The following TP53I11 variants were observed in gnomAD, a reference collection of about 807,000 sequenced individuals.
The protein encoded by TP53I11 is tumor protein p53 inducible protein 11, also known as tumor protein p53-inducible protein 11.
Under a neutral mutation model 23.3 loss-of-function variants are expected in TP53I11, and 9 were observed. That is an observed-to-expected ratio of 0.39 (90% CI 0.23 to 0.67). The LOEUF is 0.67. Among genes scored for constraint, TP53I11 ranks in the 30% least tolerant of loss-of-function variants. The pLI, the probability that TP53I11 is intolerant of heterozygous loss-of-function variation, is 0.48. For synonymous variants in TP53I11, 100 were observed against 106.1 expected (o/e 0.94, Z 0.35); for missense variants, 170 against 255.2 (o/e 0.67, Z 2.27).
intron 6 of TP53I11, 114 bp downstream of exon 6, chr11:44,935,447 C>T (rs1860987707): frequency 8.4e-6 from 8 of 951,666 alleles, no homozygotes; most frequent in Non-Finnish European, 8.2e-6. Context: ...TATCCCCTCC[C>T]TAGCCCCCCA....
chr11:44,938,053 C>T (rs1034951358), intron 2 of TP53I11, among the ~76,000 whole-genome samples, 154 bp downstream of exon 2: 4 of 152,198 alleles, frequency 2.6e-5, no homozygotes, highest in African/African-American at 9.7e-5. Flanking sequence ...CTAATGATCT[C>T]GTTATTCCCC....
At position 44,932,407 on chromosome 11, in the gene TP53I11, T is replaced by A. The variant is rs1180636901; in HGVS notation, c.*2477A>T. The A allele has an allele frequency of 6.6e-6, 1 of 152,400 alleles. No individual in the cohort carries two copies. Among genetic ancestry groups the A allele is most frequent in the East Asian group, 1.9e-4 (1 of 5,188 alleles). 9.4% of individuals were successfully genotyped at this position (152,400 alleles called of 1,614,324 possible). On this transcript the variant is annotated 3_prime_UTR_variant, in exon 7 of 7. Coordinates refer to ENST00000525680, the MANE Select transcript of TP53I11 (RefSeq NM_006034.5). ...TACAAAAAGAAAAAGGAACAAAGAA[T>A]AAATAGTGACCGTGAAGAAAGGTGG...
rs996146007 is a variant in TP53I11 at position 44,942,727 on chromosome 11, C to T, written c.-31-4361G>A. Reference sequence around the variant, plus strand: ...CATCACTCACAAAGGGCCCATGTGGCCCCACAGAGAAAATGGAATCTTGAC... The same window carrying T: ...CATCACTCACAAAGGGCCCATGTGGTCCCACAGAGAAAATGGAATCTTGAC... On this transcript the variant is annotated intron_variant, in intron 1 of 6. Coordinates refer to ENST00000525680, the MANE Select transcript of TP53I11 (RefSeq NM_006034.5). Among the ~76,000 whole-genome samples, 10 of 152,216 alleles carry T rather than the reference C, an allele frequency of 6.6e-5. No individual in the cohort carries two copies. The East Asian group carries it at 1.7e-3, about 26-fold the overall frequency.
chr11:44,942,385 C>T (rs1031759936), intron 1 of TP53I11, among the ~76,000 whole-genome samples: 2 of 148,366 alleles, frequency 1.3e-5, no homozygotes, highest in Admixed American at 1.3e-4. Context: ...ACACACACAC[C>T]ACACAAACCA....
At chr11:44,937,463 C>A (rs1861276488) in intron 3 of TP53I11, 92 bp downstream of exon 3, 2 of 1,537,104 alleles carry the variant, frequency 1.3e-6, no homozygotes, top group African/African-American at 1.4e-5. Context: ...AAAATAAAAT[C>A]CAGGGACCAG....
Position 44,938,262 on chromosome 11 carries a change from C to T in TP53I11, c.74G>A (p.Arg25His), listed in dbSNP as rs1309762829. 1.9e-6 allele frequency: 3 copies of T among 1,612,892 alleles called. No homozygotes were observed. The highest frequency in any genetic ancestry group is 1.7e-5 in the Admixed American group (1 of 59,892). ...CTCCCCGCCCACGCCGAGGATCTTG[C>T]GGGTCTTCAGGCGGCTCACGAGGTC... ...QTDLVSRLKT[R>H]KILGVGGEDD... The change falls in exon 2 of 7, where the codon CGC (arginine) becomes CAC (histidine). Residue 25 changes from arginine to histidine, a missense_variant. Coordinates refer to ENST00000525680, the MANE Select transcript of TP53I11 (RefSeq NM_006034.5).
chr11:44,936,672 G>C lies in TP53I11; in HGVS notation c.334+131C>G. 1 of 1,369,334 alleles carries C rather than the reference G, an allele frequency of 7.3e-7. No individual in the cohort carries two copies. 84.8% of individuals were successfully genotyped at this position (1,369,334 alleles called of 1,614,324 possible). A position where few individuals can be genotyped will look rare whatever the true frequency, so the allele number is the denominator to read the frequency against. On this transcript the variant is annotated intron_variant, in intron 5 of 6. Coordinates refer to ENST00000525680, the MANE Select transcript of TP53I11 (RefSeq NM_006034.5). The surrounding 1 kb of genome is among the most constrained non-coding windows in gnomAD (Gnocchi z 4.4). ...CCAGCAGAGAGCTTCATCAGAGGCC[G>C]GGGTGTGGGCGCAGCATCTGGCCGA...
chr11:44,932,666 C>G lies in TP53I11; in HGVS notation c.*2218G>C, dbSNP rs1860658742. 6.6e-6 allele frequency: 1 copy of G among 152,476 alleles called. No individual in the cohort carries two copies. Among genetic ancestry groups the G allele is most frequent in the African/African-American group, 2.4e-5 (1 of 41,442 alleles). The allele number at this position is 152,476 out of a possible 1,614,324, so 9.4% of individuals were successfully genotyped here. The stretch of plus-strand genomic sequence containing the variant: ...CCTTAGAGTCCCCCTGCCCTCCAAG[C>G]TGTACGTCTGTCTTCCAGATCTTAC... On this transcript the variant is annotated 3_prime_UTR_variant, in exon 7 of 7. Transcript: ENST00000525680.
intron 1 of TP53I11, among the ~76,000 whole-genome samples, chr11:44,942,139 C>T (rs1484201782): frequency 1.4e-5 from 2 of 147,198 alleles, no homozygotes; most frequent in Non-Finnish European, 3.0e-5. Context: ...ACCCACCACA[C>T]ATACATCACA....
intron 1 of TP53I11, among the ~76,000 whole-genome samples, chr11:44,945,072 GC>G (rs1364938967): frequency 6.6e-6 from 1 of 152,206 alleles, no homozygotes; most frequent in Non-Finnish European, 1.5e-5. Flanking sequence ...AGAGGAAGGG[GC>G]CCAGAACATC....
In TP53I11 at chr11:44,936,613, A is replaced by T; in HGVS notation, c.334+190T>A. The T allele has an allele frequency of 7.5e-7, 1 of 1,337,032 alleles. No individual in the cohort carries two copies. The highest frequency in any genetic ancestry group is 1.5e-5 in the African/African-American group (1 of 65,830). 82.8% of individuals were successfully genotyped at this position (1,337,032 alleles called of 1,614,324 possible). On this transcript the variant is annotated intron_variant, in intron 5 of 6. Transcript: ENST00000525680. This position sits in a 1 kb window ranked among gnomAD's most constrained non-coding sequence, Gnocchi z 4.4. ...CTGCAAGCTCCAACCCACTGGGTGTATTCCACCAATGGCCACAAGATGGCA... is the reference window on the plus strand; with the variant it reads ...CTGCAAGCTCCAACCCACTGGGTGTTTTCCACCAATGGCCACAAGATGGCA...
chr11:44,947,839 A>G (rs921313110), intron 1 of TP53I11, among the ~76,000 whole-genome samples: 2 of 137,664 alleles, frequency 1.5e-5, no homozygotes, highest in Non-Finnish European at 3.5e-5. Context: ...ACCAGTGAGA[A>G]GATGCACCAA....
intron 4 of TP53I11, chr11:44,937,100 G>A: frequency 1.3e-6 from 1 of 780,800 alleles, no homozygotes; most frequent in Non-Finnish European, 2.1e-6. Flanking sequence ...AAGGAGTCAG[G>A]CCACAAACCA....
chr11:44,944,903 T>C (rs1422948338), intron 1 of TP53I11, among the ~76,000 whole-genome samples: 1 of 152,196 alleles, frequency 6.6e-6, no homozygotes, highest in South Asian at 2.1e-4. Context: ...CCCATGCAGA[T>C]CCTGGAGGAC....
intron 1 of TP53I11, chr11:44,940,714 C>T (rs1413821757): frequency 1.3e-5 from 2 of 152,118 alleles, no homozygotes; most frequent in African/African-American, 2.4e-5. Context: ...TGCTACAAAC[C>T]CGCGTTTCTG....
chr11:44,937,216 A>G, intron 4 of TP53I11, 88 bp downstream of exon 4: 1 of 1,489,112 alleles, frequency 6.7e-7, no homozygotes. Flanking sequence ...ACGAGGGGCC[A>G]GGATGGAGGA....
chr11:44,949,280 G>A (rs953486903), intron 1 of TP53I11, among the ~76,000 whole-genome samples: 2 of 152,186 alleles, frequency 1.3e-5, no homozygotes, highest in Non-Finnish European at 2.9e-5. Context: ...GGATCTGCGG[G>A]CCGCAGATCC....
Position 44,936,456 on chromosome 11 carries a change from G to C in TP53I11, c.334+347C>G. 1 of 1,233,838 alleles carries C rather than the reference G, an allele frequency of 8.1e-7. No homozygotes were observed. The highest frequency in any genetic ancestry group is 1.0e-6 in the Non-Finnish European group (1 of 989,714). 76.4% of individuals were successfully genotyped at this position (1,233,838 alleles called of 1,614,324 possible). A position where few individuals can be genotyped will look rare whatever the true frequency, so the allele number is the denominator to read the frequency against. On this transcript the variant is annotated intron_variant, in intron 5 of 6. Transcript: ENST00000525680. This position sits in a 1 kb window ranked among gnomAD's most constrained non-coding sequence, Gnocchi z 4.4. Reference sequence around the variant, plus strand: ...TAGGGGGGGTGCGAGGGGTTTTGCAGACACTGAATTGATCTGCCTCTCCTC... The same window carrying C: ...TAGGGGGGGTGCGAGGGGTTTTGCACACACTGAATTGATCTGCCTCTCCTC...
intron 1 of TP53I11, among the ~76,000 whole-genome samples, chr11:44,944,402 C>T (rs1341107850): frequency 6.6e-6 from 1 of 152,196 alleles, no homozygotes; most frequent in Non-Finnish European, 1.5e-5. Flanking sequence ...AAGAGGCCCT[C>T]TTCAGCCAAG....
Sources: allele counts gnomAD v4.1 joint callset (sites outside exome capture counted in the v4.1 genomes callset), GRCh38; gene constraint gnomAD v4.1.1; non-coding constraint Gnocchi (gnomAD v3.1); transcripts MANE v1.5; gene names NCBI Gene and HGNC (gene_info 2026-07-23, HGNC 2026-07-21).